The following BBS2 variants were observed in gnomAD, a reference collection of about 807,000 sequenced individuals.
BBS2 encodes the protein BBSome complex member BBS2.
A neutral mutation model predicts 83.0 loss-of-function variants in BBS2; 62 were observed. The ratio of observed to expected loss-of-function variants is 0.75; its 90% CI spans 0.61 to 0.92. The LOEUF (loss-of-function observed/expected upper bound fraction) is 0.92, where lower values mean the gene tolerates loss of function less well. Among genes scored for constraint, BBS2 ranks in the 40% least tolerant of loss-of-function variants. The pLI, the probability that BBS2 is intolerant of heterozygous loss-of-function variation, is 0.00. For synonymous variants in BBS2, 303 were observed against 326.1 expected (o/e 0.93, Z 0.76); for missense variants, 784 against 901.0 (o/e 0.87, Z 1.66).
intron 7 of BBS2, among the ~76,000 whole-genome samples, chr16:56,504,736 G>A (rs1429136302): frequency 6.6e-6 from 1 of 152,188 alleles, no homozygotes; most frequent in African/African-American, 2.4e-5. Flanking sequence ...TTCAAGTCTA[G>A]TAGTTTTCTA....
chr16:56,509,390 T>C (rs1964514484), intron 5 of BBS2: 1 of 158,232 alleles, frequency 6.3e-6, no homozygotes, highest in East Asian at 1.8e-4. Flanking sequence ...TAGTCCCAGC[T>C]ACTCAGGAGG....
chr16:56,490,093 G>A (rs1226453684), intron 15 of BBS2, among the ~76,000 whole-genome samples: 1 of 150,176 alleles, frequency 6.7e-6, no homozygotes, highest in Non-Finnish European at 1.5e-5. Flanking sequence ...CAGCCTGGGT[G>A]ACACAGTGAG....
At chr16:56,503,316 AG>A (rs1964331828) in intron 7 of BBS2, among the ~76,000 whole-genome samples, 1 of 152,208 alleles carries the variant, frequency 6.6e-6, no homozygotes, top group East Asian at 1.9e-4. Flanking sequence ...ATATATCAAC[AG>A]GGCCTGACAC....
intron 1 of BBS2, among the ~76,000 whole-genome samples, chr16:56,519,314 G>A (rs189886922): frequency 6.7e-6 from 1 of 148,638 alleles, no homozygotes; most frequent in African/African-American, 2.5e-5. Flanking sequence ...CTGGGCGACA[G>A]GGCAAGACTC....
chr16:56,501,838 G>A, intron 9 of BBS2: 1 of 373,054 alleles, frequency 2.7e-6, no homozygotes, highest in Non-Finnish European at 5.0e-6. Flanking sequence ...CAAATTAAAG[G>A]AATATTTCAG....
Position 56,519,964 on chromosome 16 carries a change from G to A in BBS2, c.-102C>T, listed in dbSNP as rs1364703031. The A allele has an allele frequency of 5.0e-6, 5 of 1,004,934 alleles. No individual in the cohort carries two copies. Among genetic ancestry groups the A allele is most frequent in the South Asian group, 1.4e-5 (1 of 74,068 alleles). The allele number at this position is 1,004,934 out of a possible 1,614,324, so 62.3% of individuals were successfully genotyped here. On this transcript the variant is annotated 5_prime_UTR_variant, in exon 1 of 17. Coordinates refer to ENST00000245157, the MANE Select transcript of BBS2 (RefSeq NM_031885.5). ...GAAGTGCAGGGACACTACCTGCGCGGCCCCAGCCGCCTCAGGCCGGACGCG... is the reference window on the plus strand; with the variant it reads ...GAAGTGCAGGGACACTACCTGCGCGACCCCAGCCGCCTCAGGCCGGACGCG...
chr16:56,498,027 A>C, intron 13 of BBS2, 147 bp from the exon 14 acceptor site: 1 of 840,426 alleles, frequency 1.2e-6, no homozygotes, highest in Non-Finnish European at 1.8e-6. Context: ...TTAGCTCTCA[A>C]AGAAATTACA....
intron 17 of BBS2, chr16:56,477,741 A>AT (rs1375194738): frequency 1.3e-5 from 2 of 151,812 alleles, no homozygotes; most frequent in Non-Finnish European, 2.9e-5. Flanking sequence ...TCTTTTTTAC[A>AT]TTTATTTTTA....
intron 3 of BBS2, 78 bp from the exon 4 acceptor site, chr16:56,510,999 G>A: frequency 6.4e-7 from 1 of 1,574,428 alleles, no homozygotes; most frequent in Non-Finnish European, 8.7e-7. Flanking sequence ...ATGAAGGAGA[G>A]GATTACACAA....
intron 2 of BBS2, 121 bp from the exon 3 acceptor site, chr16:56,511,405 G>A (rs1352764674): frequency 7.2e-7 from 1 of 1,381,716 alleles, no homozygotes; most frequent in African/African-American, 1.4e-5. Flanking sequence ...TATCCATAAT[G>A]TGGGTGGGCC....
At chr16:56,482,973 G>T (rs1963687111), downstream of BBS2, among the ~76,000 whole-genome samples, 1 of 152,174 alleles carries the variant, frequency 6.6e-6, no homozygotes, top group Admixed American at 6.5e-5. Context: ...TACCGGCTCA[G>T]CTATATGGTC....
At chr16:56,501,632 T>C (rs1378893491) in intron 9 of BBS2, 135 bp from the exon 10 acceptor site, 28 of 1,259,814 alleles carry the variant, frequency 2.2e-5, no homozygotes, top group Non-Finnish European at 3.1e-5. Flanking sequence ...TCTGATTCTT[T>C]AGAATTCAGA....
In BBS2 at chr16:56,500,819, T is replaced by TA; in HGVS notation, c.1397+34_1397+35insT. Reference sequence around the variant, plus strand: ...ATACATCTTGCCCTCCTCTAAGTGCTGTCCTGAAATGAACTGTGACTTGCA... The same window carrying TA: ...ATACATCTTGCCCTCCTCTAAGTGCTAGTCCTGAAATGAACTGTGACTTGCA... On this transcript the variant is annotated intron_variant, in intron 11 of 16. Transcript: ENST00000245157. 4 of 1,610,402 alleles carry TA rather than the reference T, an allele frequency of 2.5e-6. No homozygotes were observed. In the East Asian group the frequency reaches 8.9e-5, roughly 36 times the overall value.
chr16:56,487,693 T>C (rs1410667704), intron 15 of BBS2, among the ~76,000 whole-genome samples: 2 of 152,148 alleles, frequency 1.3e-5, no homozygotes, highest in Non-Finnish European at 2.9e-5. Flanking sequence ...AGTTAATGCA[T>C]TTAACATCAT....
chr16:56,487,195 A>T (rs989765889), intron 15 of BBS2, among the ~76,000 whole-genome samples: 4 of 146,470 alleles, frequency 2.7e-5, no homozygotes, highest in South Asian at 2.2e-4. Context: ...AATTTGATTT[A>T]AAAAAAAAAA....
Position 56,502,362 on chromosome 16 carries a change from C to A in BBS2, c.1035G>T (p.Lys345Asn). ...TACGGAGTTCCAGCAACAGATTCTG[C>A]TTCTTCTGACTCAGCTCTCGGATCA... ...QDLIRELSQK[K>N]QNLLLELRNY... Residue 345 changes from lysine (K) to asparagine (N), a missense_variant, in exon 9 of 17, where the codon AAG (lysine) becomes AAT (asparagine). Coordinates refer to ENST00000245157, the MANE Select transcript of BBS2 (RefSeq NM_031885.5). 6.2e-7 allele frequency: 1 copy of A among 1,614,244 alleles called. No individual in the cohort carries two copies. The highest frequency in any genetic ancestry group is 1.1e-5 in the South Asian group (1 of 91,086).
At position 56,484,628 on chromosome 16, in the gene BBS2, A is replaced by T; in HGVS notation, c.*133T>A. On this transcript the variant is annotated 3_prime_UTR_variant, in exon 17 of 17. Coordinates refer to ENST00000245157, the MANE Select transcript of BBS2 (RefSeq NM_031885.5). ...TCTTCACATGTAGTTCTTTGTCTTT[A>T]ATTTGTACAACTCACCAAGGTTATT... The T allele has an allele frequency of 1.4e-6, 1 of 733,572 alleles. No individual in the cohort carries two copies. Among genetic ancestry groups the T allele is most frequent in the East Asian group, 2.8e-5 (1 of 35,602 alleles). 45.4% of individuals were successfully genotyped at this position (733,572 alleles called of 1,614,324 possible). A position where few individuals can be genotyped will look rare whatever the true frequency, so the allele number is the denominator to read the frequency against.
intron 5 of BBS2, 200 bp downstream of exon 5, chr16:56,509,757 G>GTC (rs1964525425): frequency 1.8e-6 from 1 of 563,774 alleles, no homozygotes; most frequent in African/African-American, 1.9e-5. Flanking sequence ...TATTTAATCA[G>GTC]TCTTTTCAAA....
rs761082470 is a variant in BBS2 at position 56,510,859 on chromosome 16, C to G, written c.534G>C (p.Glu178Asp). The G allele has an allele frequency of 2.5e-6, 4 of 1,613,944 alleles. No individual in the cohort carries two copies. The highest frequency in any genetic ancestry group is 3.4e-6 in the Non-Finnish European group (4 of 1,179,962). Residue 178 changes from glutamate (E) to aspartate (D), a missense_variant and splice_region_variant, in exon 4 of 17, where the codon GAG becomes GAC. Physicochemically the swap from Glu to Asp is conservative, Grantham distance 45. Coordinates refer to ENST00000245157, the MANE Select transcript of BBS2 (RefSeq NM_031885.5). ...GAGAGATATCTCCTCCCCCACATAC[C>G]TCTTTCTTTCCATCACCATCAAAGT... ...LCDFDGDGKK[E>D]LLVGSEDFDI... is the part of the protein sequence containing the mutation.
Sources: allele counts gnomAD v4.1 joint callset (sites outside exome capture counted in the v4.1 genomes callset), GRCh38; gene constraint gnomAD v4.1.1; transcripts MANE v1.5; gene names NCBI Gene and HGNC (gene_info 2026-07-23, HGNC 2026-07-21).